ZNF568: variants seen among roughly 807,000 people sequenced by gnomAD.
ZNF568 encodes p53 inhibitor of SCO2 activation.
In ZNF568, 11 loss-of-function variants were observed where a neutral mutation model predicts 18.1. That is an observed-to-expected ratio of 0.61 (90% CI 0.38 to 1.00). ZNF568 has a LOEUF of 1.00. Among genes scored for constraint, ZNF568 ranks in the 50% least tolerant of loss-of-function variants. The probability of loss-of-function intolerance (pLI) is 0.01; values close to 1 mark genes in which losing one functional copy is unlikely to be tolerated. For missense variants in ZNF568, 639 were observed against 768.2 expected (o/e 0.83, Z 1.99); for synonymous variants, 213 against 246.6 (o/e 0.86, Z 1.28).
intron 4 of ZNF568, among the ~76,000 whole-genome samples, chr19:36,933,486 G>A (rs2073723603): frequency 6.6e-6 from 1 of 152,016 alleles, no homozygotes; most frequent in South Asian, 2.1e-4. Flanking sequence ...TGCATTTACG[G>A]AGATGATCTT....
chr19:36,996,364 A>G (rs1432372438), exon 5 of ZNF568: 6 of 1,534,474 alleles, frequency 3.9e-6, no homozygotes, highest in Admixed American at 2.0e-5. Context: ...AAAGGAAAAC[A>G]TTTATGAAAT....
At chr19:36,980,534 C>G (rs1043336645), downstream of ZNF568, among the ~76,000 whole-genome samples, 1 of 152,280 alleles carries the variant, frequency 6.6e-6, no homozygotes, top group East Asian at 1.9e-4. Flanking sequence ...TCACTTTAGA[C>G]CAGCTAGCTA....
intron 4 of ZNF568, among the ~76,000 whole-genome samples, chr19:36,931,306 A>T (rs2073682519): frequency 6.6e-6 from 1 of 152,178 alleles, no homozygotes; most frequent in Non-Finnish European, 1.5e-5. Context: ...ACATTAGTAG[A>T]TGGGACATTA....
chr19:36,930,456 G>A (rs984863043), intron 4 of ZNF568, among the ~76,000 whole-genome samples: 7 of 151,970 alleles, frequency 4.6e-5, no homozygotes, highest in African/African-American at 1.2e-4. Flanking sequence ...TGATCCGCCC[G>A]CCTCGGCCTC....
chr19:36,922,849 G>C lies in ZNF568; in HGVS notation c.76+3G>C. 1 of 1,613,816 alleles carries C rather than the reference G, an allele frequency of 6.2e-7. No homozygotes were observed. Among genetic ancestry groups the C allele is most frequent in the Non-Finnish European group, 8.5e-7 (1 of 1,179,822 alleles). ...GAGCCACATGATGGAAAGGAAAGGT[G>C]AGGTGGCTCATAGGTGGACAGAGCT... On this transcript the variant is annotated splice_donor_region_variant and intron_variant, in intron 3 of 6. Transcript: ENST00000333987.
chr19:36,983,305 T>C (rs1342682940), downstream of ZNF568, among the ~76,000 whole-genome samples: 1 of 152,202 alleles, frequency 6.6e-6, no homozygotes, highest in African/African-American at 2.4e-5. Context: ...CCTTTTCTTT[T>C]TCCCATGGTA....
exon 5 of ZNF568, chr19:36,996,820 C>T (rs1195122515): frequency 2.6e-6 from 4 of 1,547,976 alleles, no homozygotes; most frequent in East Asian, 4.8e-5. Context: ...GAAAGCCTTT[C>T]GTTCCAGCTC....
rs567888177 is a variant in ZNF568, at chr19:36,970,414, T to C, written c.359-4006T>C. Among the ~76,000 whole-genome samples the C allele has an allele frequency of 2.6e-5, 4 of 151,048 alleles. No homozygotes were observed. The East Asian group carries it at 7.8e-4, about 29-fold the overall frequency. ...AGGCTGGAGTGCAGTGCCCCAATCT[T>C]GGCTCACTGCAACCTCTGCCTCCGG... is the stretch of plus-strand genomic sequence containing the variant. On this transcript the variant is annotated intron_variant, in intron 6 of 7. Transcript: ENST00000427117.
At chr19:36,982,837 G>A (rs1465257544), downstream of ZNF568, among the ~76,000 whole-genome samples, 2 of 152,190 alleles carry the variant, frequency 1.3e-5, no homozygotes, top group South Asian at 4.1e-4. Context: ...TAGCCATGAT[G>A]TGTGATGAAT....
chr19:36,976,918 AAAAG>A (rs1380812332), intron 7 of ZNF568, among the ~76,000 whole-genome samples: 1 of 152,176 alleles, frequency 6.6e-6, no homozygotes, highest in Non-Finnish European at 1.5e-5. Flanking sequence ...CTAAGAAAAA[AAAAG>A]AAAGGGTAGA....
At chr19:36,917,835 C>T (rs2073372421) in intron 2 of ZNF568, among the ~76,000 whole-genome samples, 187 bp downstream of exon 2, 1 of 152,190 alleles carries the variant, frequency 6.6e-6, no homozygotes, top group East Asian at 1.9e-4. Context: ...AATATGCATG[C>T]TTAACAAAAC....
At chr19:36,921,845 A>ACT (rs2073461975) in intron 2 of ZNF568, among the ~76,000 whole-genome samples, 1 of 151,262 alleles carries the variant, frequency 6.6e-6, no homozygotes, top group Admixed American at 6.6e-5. Context: ...TTTGAATGAA[A>ACT]CTCTCTTTTA....
intron 6 of ZNF568, among the ~76,000 whole-genome samples, chr19:36,947,381 C>T (rs2073985198): frequency 6.6e-6 from 1 of 152,090 alleles, no homozygotes; most frequent in African/African-American, 2.4e-5. Context: ...CTTTTTATCT[C>T]CTATGTGTAG....
intron 6 of ZNF568, among the ~76,000 whole-genome samples, chr19:36,948,477 C>G (rs2074000650): frequency 6.6e-6 from 1 of 151,978 alleles, no homozygotes; most frequent in African/African-American, 2.4e-5. Flanking sequence ...GGGGTAAATA[C>G]CAAGCATGAT....
intron 6 of ZNF568, among the ~76,000 whole-genome samples, chr19:36,944,258 C>T (rs1328207781): frequency 2.0e-5 from 3 of 151,462 alleles, no homozygotes; most frequent in South Asian, 4.2e-4. Context: ...ATTAGTTGGG[C>T]GTGGTGGTGC....
chr19:36,985,499 TTTTG>T (rs869228478), intron 2 of ZNF568, among the ~76,000 whole-genome samples: 71 of 135,114 alleles, frequency 5.3e-4, no homozygotes, highest in African/African-American at 1.4e-3. Flanking sequence ...CTTTGCATGT[TTTTG>T]TTTGTTTGTT....
chr19:36,975,308 C>T (rs1422537954), intron 7 of ZNF568, among the ~76,000 whole-genome samples: 11 of 151,624 alleles, frequency 7.3e-5, no homozygotes, highest in African/African-American at 1.5e-4. Flanking sequence ...CCACCACGCC[C>T]GGCTAATTTT....
chr19:36,942,236 G>A (rs1458763537), intron 6 of ZNF568, among the ~76,000 whole-genome samples: 2 of 151,542 alleles, frequency 1.3e-5, no homozygotes, highest in Non-Finnish European at 2.9e-5. Context: ...CCAAAGTGCT[G>A]GGATTACAGG....
At chr19:36,925,059 T>C in intron 3 of ZNF568, 141 bp from the exon 4 acceptor site, 4 of 680,328 alleles carry the variant, frequency 5.9e-6, no homozygotes, top group Admixed American at 2.4e-5. Context: ...TCAGTGTCTA[T>C]AGCTAGATGG....
Sources: allele counts gnomAD v4.1 joint callset (sites outside exome capture counted in the v4.1 genomes callset), GRCh38; gene constraint gnomAD v4.1.1; transcripts MANE v1.5; gene names NCBI Gene and HGNC (gene_info 2026-07-23, HGNC 2026-07-21).